USP10: variants seen among roughly 807,000 people sequenced by gnomAD.
USP10 encodes the protein ubiquitin carboxyl-terminal hydrolase 10.
In USP10, 22 loss-of-function variants were observed where a neutral mutation model predicts 84.5. The ratio of observed to expected loss-of-function variants is 0.26; its 90% CI spans 0.19 to 0.37. The LOEUF is 0.37. USP10 is among the 10% of genes least tolerant of loss of function. The pLI is 1.00. For missense variants in USP10, 1,019 were observed against 998.9 expected (o/e 1.02, Z -0.27); for synonymous variants, 454 against 387.6 (o/e 1.17, Z -2.01).
chr16:84,711,829 C>G (rs1363510188), intron 1 of USP10, among the ~76,000 whole-genome samples: 1 of 148,750 alleles, frequency 6.7e-6, no homozygotes, highest in Non-Finnish European at 1.5e-5. Context: ...AAGTGATTCT[C>G]TGGCCTCAGC....
intron 1 of USP10, among the ~76,000 whole-genome samples, chr16:84,712,239 C>G (rs1330049059): frequency 1.3e-5 from 2 of 152,220 alleles, no homozygotes; most frequent in Non-Finnish European, 2.9e-5. Flanking sequence ...AGGCAGTCAG[C>G]TGTGTACAGA....
chr16:84,765,715 A>G (rs1913779849), intron 10 of USP10, among the ~76,000 whole-genome samples: 1 of 152,078 alleles, frequency 6.6e-6, no homozygotes, highest in African/African-American at 2.4e-5. Flanking sequence ...TTGTGAACTG[A>G]TTGGAAGCAG....
intron 2 of USP10, among the ~76,000 whole-genome samples, chr16:84,734,595 TTTG>T (rs535371889): frequency 4.9e-4 from 75 of 152,326 alleles, no homozygotes; most frequent in African/African-American, 1.7e-3. Flanking sequence ...GTTGGGTTTT[TTTG>T]TTGTTGTTGT....
chr16:84,751,493 C>G (rs974123361), intron 4 of USP10, among the ~76,000 whole-genome samples: 1 of 152,158 alleles, frequency 6.6e-6, no homozygotes, highest in Non-Finnish European at 1.5e-5. Flanking sequence ...ACCTGTTTAC[C>G]GGGATCCACC....
intron 11 of USP10, among the ~76,000 whole-genome samples, chr16:84,772,159 C>A (rs1310770158): frequency 2.6e-5 from 4 of 152,132 alleles, no homozygotes; most frequent in African/African-American, 4.8e-5. Context: ...TCAAGGGATT[C>A]TCTTGCCTCT....
chr16:84,776,882 C>T (rs1189545328), intron 13 of USP10, among the ~76,000 whole-genome samples: 9 of 152,096 alleles, frequency 5.9e-5, no homozygotes, highest in African/African-American at 2.2e-4. Context: ...GCACAGTCTC[C>T]ATTCACTGCA....
chr16:84,705,082 C>G (rs971159711), intron 1 of USP10, among the ~76,000 whole-genome samples: 5 of 152,196 alleles, frequency 3.3e-5, no homozygotes, highest in Non-Finnish European at 7.3e-5. Flanking sequence ...TTCTTCGGAT[C>G]CATTCTCAGT....
intron 2 of USP10, among the ~76,000 whole-genome samples, chr16:84,738,552 G>T (rs565581543): frequency 1.1e-4 from 17 of 152,252 alleles, no homozygotes; most frequent in African/African-American, 4.1e-4. Flanking sequence ...CATCAATGCT[G>T]GTGTGTGGAA....
chr16:84,756,874 A>G (rs1469979479), intron 4 of USP10, among the ~76,000 whole-genome samples: 1 of 152,240 alleles, frequency 6.6e-6, no homozygotes, highest in Non-Finnish European at 1.5e-5. Context: ...TCCACTGTCA[A>G]TAGACTTTAA....
chr16:84,714,153 T>C (rs1013941028), intron 1 of USP10, among the ~76,000 whole-genome samples: 2 of 152,124 alleles, frequency 1.3e-5, no homozygotes, highest in African/African-American at 2.4e-5. Flanking sequence ...AGAGACCCAG[T>C]TGAGAAGCGT....
At chr16:84,727,729 A>T (rs1597314854) in intron 1 of USP10, among the ~76,000 whole-genome samples, 1 of 152,202 alleles carries the variant, frequency 6.6e-6, no homozygotes, top group Non-Finnish European at 1.5e-5. Flanking sequence ...ATTTTTCCAA[A>T]CCCTTTGAGA....
chr16:84,710,510 T>C (rs745340564), intron 1 of USP10, among the ~76,000 whole-genome samples: 1 of 152,100 alleles, frequency 6.6e-6, no homozygotes, highest in Non-Finnish European at 1.5e-5. Context: ...TCCTCAGTGG[T>C]AATTGGATAG....
chr16:84,771,269 G>A (rs1914419941), intron 11 of USP10, among the ~76,000 whole-genome samples: 1 of 152,084 alleles, frequency 6.6e-6, no homozygotes, highest in Non-Finnish European at 1.5e-5. Flanking sequence ...AGCTTTAAAG[G>A]TTATTTAAAA....
At chr16:84,707,854 G>A (rs948858949) in intron 1 of USP10, among the ~76,000 whole-genome samples, 7 of 151,966 alleles carry the variant, frequency 4.6e-5, no homozygotes, top group South Asian at 4.2e-4. Context: ...TGAGGCAGGC[G>A]AATCACTCAA....
chr16:84,737,304 C>A (rs996680168), intron 2 of USP10, among the ~76,000 whole-genome samples: 2 of 152,196 alleles, frequency 1.3e-5, no homozygotes, highest in African/African-American at 4.8e-5. Context: ...TTCCCTTGCT[C>A]ACTTTGCATT....
At chr16:84,739,901 G>T (rs751502588) in intron 2 of USP10, among the ~76,000 whole-genome samples, 1 of 152,202 alleles carries the variant, frequency 6.6e-6, no homozygotes, top group Non-Finnish European at 1.5e-5. Flanking sequence ...TGTAGTGATC[G>T]TGAATAAGAG....
At chr16:84,726,804 G>T (rs1485633316) in intron 1 of USP10, among the ~76,000 whole-genome samples, 2 of 152,228 alleles carry the variant, frequency 1.3e-5, no homozygotes, top group African/African-American at 2.4e-5. Context: ...TGAAGCCCTT[G>T]TACTTTGCTC....
intron 1 of USP10, 40 bp from the exon 2 acceptor site, chr16:84,733,395 T>C (rs746688864): frequency 6.9e-7 from 1 of 1,452,344 alleles, no homozygotes; most frequent in East Asian, 2.3e-5. Context: ...ATATAATTTG[T>C]ATATTTTATG....
Position 84,745,424 on chromosome 16 carries a change from A to G in USP10, c.943A>G (p.Thr315Ala), listed in dbSNP as rs201186851. The G allele has an allele frequency of 3.3e-5, 53 of 1,613,594 alleles. No homozygotes were observed. The highest frequency in any genetic ancestry group is 3.6e-5 in the Non-Finnish European group (43 of 1,179,724). ...CACGGAAAGCATAGACTTGGACCCA[A>G]CCAAACCCGAGAGTGCATCACCTCC... ...HTTESIDLDP[T>A]KPESASPPAD... is the part of the protein sequence containing the mutation. Residue 315 changes from threonine to alanine, a missense_variant, in exon 4 of 14, where the codon ACC (threonine) becomes GCC (alanine). This residue lies in a region of USP10 where 787 missense variants were observed against 708.8 expected (regional missense o/e 1.11). Coordinates refer to ENST00000219473, the MANE Select transcript of USP10 (RefSeq NM_005153.3).
Sources: allele counts gnomAD v4.1 joint callset (sites outside exome capture counted in the v4.1 genomes callset), GRCh38; gene constraint gnomAD v4.1.1; regional missense constraint gnomAD v4.1.1; transcripts MANE v1.5; gene names NCBI Gene and HGNC (gene_info 2026-07-23, HGNC 2026-07-21).